The following CR1 variants were observed in gnomAD, a reference collection of about 807,000 sequenced individuals.
The protein encoded by CR1 is complement C3b/C4b receptor 1 (Knops blood group).
In CR1, 116 loss-of-function variants were observed where a neutral mutation model predicts 187.3. The observed-to-expected ratio is 0.62, with a 90% CI of 0.53 to 0.72. CR1 has a LOEUF of 0.72. Ranked by LOEUF, CR1 falls within the 30% of genes least tolerant of loss-of-function variation. The pLI is 0.00. For synonymous variants in CR1, 576 were observed against 747.1 expected, an observed-to-expected ratio of 0.77 and a Z score of 3.73; for missense variants, 1,731 against 2,110.7, an observed-to-expected ratio of 0.82 and a Z score of 3.52.
At chr1:207,636,661 C>T (rs1662824618) in intron 46 of CR1, among the ~76,000 whole-genome samples, 1 of 152,212 alleles carries the variant, frequency 6.6e-6, no homozygotes, top group African/African-American at 2.4e-5. Flanking sequence ...CAATGCAACT[C>T]CTGCCATAGC....
At chr1:207,601,818 C>A (rs750231576) in intron 35 of CR1, among the ~76,000 whole-genome samples, 16 of 151,450 alleles carry the variant, frequency 1.1e-4, no homozygotes, top group Non-Finnish European at 1.8e-4. Context: ...AGTATTAAAT[C>A]CTTATCAGAT....
chr1:207,575,468 A>T, intron 27 of CR1, 127 bp from the exon 28 acceptor site: 1 of 1,132,540 alleles, frequency 8.8e-7, no homozygotes, highest in Non-Finnish European at 1.3e-6. Context: ...TGGAAACAAT[A>T]GGTAAAGTTT....
chr1:207,496,794 G>A (rs1477249353), intron 1 of CR1, among the ~76,000 whole-genome samples: 2 of 152,198 alleles, frequency 1.3e-5, no homozygotes, highest in African/African-American at 4.8e-5. Context: ...ACTTAACTGT[G>A]AGGCAACTTA....
At chr1:207,637,100 C>T (rs1450387435) in intron 46 of CR1, among the ~76,000 whole-genome samples, 2 of 152,182 alleles carry the variant, frequency 1.3e-5, no homozygotes, top group African/African-American at 4.8e-5. Flanking sequence ...CACAGTAAGC[C>T]TCCATAATTC....
intron 35 of CR1, among the ~76,000 whole-genome samples, chr1:207,593,350 A>G (rs953421993): frequency 6.6e-6 from 1 of 152,202 alleles, no homozygotes; most frequent in Non-Finnish European, 1.5e-5. Context: ...AAAAACAAGC[A>G]ATGGGGAAAG....
intron 1 of CR1, among the ~76,000 whole-genome samples, chr1:207,504,989 T>C (rs1659384825): frequency 6.6e-6 from 1 of 152,196 alleles, no homozygotes; most frequent in South Asian, 2.1e-4. Flanking sequence ...ATGAGGGATC[T>C]AGGTTGCATG....
rs1015070666 is a variant in CR1 at position 207,567,920 on chromosome 1, G to A, written c.4049G>A (p.Cys1350Tyr). 1 of 1,610,524 alleles carries A rather than the reference G, an allele frequency of 6.2e-7. No individual in the cohort carries two copies. Among genetic ancestry groups the A allele is most frequent in the Non-Finnish European group, 8.5e-7 (1 of 1,179,640 alleles). Residue 1350 changes from cysteine (C) to tyrosine (Y), a missense_variant, in exon 25 of 47, where the codon TGC (cysteine) becomes TAC (tyrosine). This residue lies in a region of CR1 where 1,312 missense variants were observed against 1,379.6 expected (regional missense o/e 0.95). Transcript: ENST00000367049. ...TTTGGAAAAGCAGTAAATTACACAT[G>A]CGACCCCCACCCAGACAGAGGGACG... Reference protein sequence around the residue: ...FPFGKAVNYTCDPHPDRGTSF... With the variant: ...FPFGKAVNYTYDPHPDRGTSF...
At chr1:207,632,569 A>G (rs901177193) in intron 46 of CR1, among the ~76,000 whole-genome samples, 23 of 152,304 alleles carry the variant, frequency 1.5e-4, no homozygotes, top group African/African-American at 5.1e-4. Context: ...CGAGTGGATC[A>G]TGAGTCAGGA....
At position 207,520,968 on chromosome 1, in the gene CR1, G is replaced by GTTTTT. The variant is rs141546660; in HGVS notation, c.488-2622_488-2618dup. 3.3e-3 allele frequency among the ~76,000 whole-genome samples: 145 copies of GTTTTT among 44,582 alleles called. 2 individuals are homozygous for GTTTTT. The highest frequency in any genetic ancestry group is 0.012 in the East Asian group (16 of 1,290). The allele number at this position is 44,582 out of a possible 152,430, so 29.2% of individuals were successfully genotyped here. A position where few individuals can be genotyped will look rare whatever the true frequency, so the allele number is the denominator to read the frequency against. ...TTTGCACATTTTTTTTTTTTTGGTT[G>GTTTTT]TTTTTTTTTTTTTTTTTTTTTTTTT... On this transcript the variant is annotated intron_variant, in intron 4 of 46. Coordinates refer to ENST00000367049, the MANE Select transcript of CR1 (RefSeq NM_000651.6).
At chr1:207,525,129 A>G (rs1660129218) in intron 5 of CR1, among the ~76,000 whole-genome samples, 1 of 151,998 alleles carries the variant, frequency 6.6e-6, no homozygotes, top group Non-Finnish European at 1.5e-5. Flanking sequence ...ACTCTATCAC[A>G]AGACAGCACT....
intron 4 of CR1, among the ~76,000 whole-genome samples, chr1:207,514,263 A>G: frequency 6.6e-6 from 1 of 152,336 alleles, no homozygotes; most frequent in East Asian, 1.9e-4. Flanking sequence ...TGTTTCTATT[A>G]AAATATAATT....
At chr1:207,579,541 A>T (rs1055508922) in intron 29 of CR1, among the ~76,000 whole-genome samples, 27 of 152,326 alleles carry the variant, frequency 1.8e-4, no homozygotes, top group South Asian at 6.2e-4. Context: ...TCATAGTCCC[A>T]TCAGCACCAT....
chr1:207,630,487 A>C, intron 45 of CR1, 30 bp from the exon 46 acceptor site: 1 of 1,393,870 alleles, frequency 7.2e-7, no homozygotes, highest in Non-Finnish European at 9.9e-7. Flanking sequence ...TGATTAAGAC[A>C]GTTTTTCTAT....
intron 27 of CR1, among the ~76,000 whole-genome samples, chr1:207,575,373 A>G (rs560273392): frequency 6.6e-6 from 1 of 152,368 alleles, no homozygotes; most frequent in African/African-American, 2.4e-5. Context: ...AAGCCAAGAT[A>G]TTAAGAAGCA....
At chr1:207,599,303 T>C (rs189642692) in intron 35 of CR1, among the ~76,000 whole-genome samples, 1 of 152,268 alleles carries the variant, frequency 6.6e-6, no homozygotes, top group Admixed American at 6.5e-5. Flanking sequence ...AAAGCAACAA[T>C]ATGTCATGTT....
intron 35 of CR1, among the ~76,000 whole-genome samples, chr1:207,589,464 C>T (rs560723323): frequency 1.4e-4 from 21 of 152,326 alleles, no homozygotes; most frequent in African/African-American, 5.1e-4. Context: ...AGGTCACCAA[C>T]ATCAAAGACC....
intron 1 of CR1, among the ~76,000 whole-genome samples, chr1:207,499,992 C>A (rs1290212704): frequency 2.6e-5 from 4 of 152,198 alleles, no homozygotes; most frequent in Admixed American, 6.5e-5. Context: ...TCCGCAAAGA[C>A]ACATGTATAC....
chr1:207,638,385 T>C (rs1662879565), intron 46 of CR1, among the ~76,000 whole-genome samples: 1 of 152,242 alleles, frequency 6.6e-6, no homozygotes, highest in South Asian at 2.1e-4. Flanking sequence ...TCACAGTACT[T>C]TGATACACTT....
At position 207,630,498 on chromosome 1, in the gene CR1, T is replaced by C. The variant is rs1415520909; in HGVS notation, c.7353-19T>C. The stretch of plus-strand genomic sequence containing the variant: ...TAAATGATTAAGACAGTTTTTCTAT[T>C]TTTTTCTCTGCCAATTAGCAATAAT... On this transcript the variant is annotated intron_variant, in intron 45 of 46. Coordinates refer to ENST00000367049, the MANE Select transcript of CR1 (RefSeq NM_000651.6). The C allele has an allele frequency of 2.7e-6, 4 of 1,506,348 alleles. No individual in the cohort carries two copies. Among genetic ancestry groups the C allele is most frequent in the Non-Finnish European group, 2.7e-6 (3 of 1,107,512 alleles). 93.3% of individuals were successfully genotyped at this position (1,506,348 alleles called of 1,614,324 possible).
Sources: allele counts gnomAD v4.1 joint callset (sites outside exome capture counted in the v4.1 genomes callset), GRCh38; gene constraint gnomAD v4.1.1; regional missense constraint gnomAD v4.1.1; transcripts MANE v1.5; gene names NCBI Gene and HGNC (gene_info 2026-07-23, HGNC 2026-07-21).